Variants in PLPPR4 observed in about 807,000 individuals in gnomAD.
PLPPR4 encodes phospholipid phosphatase-related protein type 4.
A neutral mutation model predicts 56.6 loss-of-function variants in PLPPR4; 24 were observed. The observed-to-expected ratio is 0.42, with a 90% confidence interval of 0.31 to 0.60. The LOEUF (loss-of-function observed/expected upper bound fraction) is 0.60. PLPPR4 is among the 20% of genes least tolerant of loss of function. The probability of loss-of-function intolerance (pLI) is 0.13; values close to 1 mark genes in which losing one functional copy is unlikely to be tolerated. For synonymous variants in PLPPR4, 326 were observed against 328.1 expected, an observed-to-expected ratio of 0.99 and a Z score of 0.07; for missense variants, 654 against 885.8, an observed-to-expected ratio of 0.74 and a Z score of 3.32.
At chr1:99,289,187 T>C (rs560592902) in intron 2 of PLPPR4, among the ~76,000 whole-genome samples, 1 of 152,148 alleles carries the variant, frequency 6.6e-6, no homozygotes, top group Non-Finnish European at 1.5e-5. Flanking sequence ...AGCATGTTCA[T>C]GAATGTCAAA....
upstream of PLPPR4, chr1:99,264,248 C>A: frequency 1.8e-6 from 1 of 559,462 alleles, no homozygotes; most frequent in African/African-American, 1.9e-5. Context: ...AGCCTTGGAG[C>A]GTCGCAAGGG....
At chr1:99,301,179 T>C (rs532840642) in intron 5 of PLPPR4, among the ~76,000 whole-genome samples, 2 of 152,174 alleles carry the variant, frequency 1.3e-5, no homozygotes, top group African/African-American at 4.8e-5. Context: ...ACAGTTATAA[T>C]AGTATTTATT....
Position 99,264,662 on chromosome 1 carries a change from T to C in PLPPR4, c.69T>C (p.Tyr23=). The C allele has an allele frequency of 6.4e-7, 1 of 1,550,594 alleles. No homozygotes were observed. Among genetic ancestry groups the C allele is most frequent in the East Asian group, 2.4e-5 (1 of 40,902 alleles). ...GCGTCACCCTCCTGCCCTGCTTTTA[T>C]TTCGTCGAGGTGAGTTGGCCCAGTG... The part of the protein sequence containing the change: ...KDSVTLLPCF[Y]FVELPILASS... Residue 23 remains tyrosine, a synonymous_variant, in exon 1 of 7, where the codon TAT becomes TAC. Coordinates refer to ENST00000370185, the MANE Select transcript of PLPPR4 (RefSeq NM_014839.5).
chr1:99,279,838 A>G (rs895070366), intron 1 of PLPPR4, among the ~76,000 whole-genome samples: 3 of 152,192 alleles, frequency 2.0e-5, no homozygotes, highest in Non-Finnish European at 4.4e-5. Context: ...CAAGGAGGTT[A>G]AGAATTAAAG....
intron 2 of PLPPR4, among the ~76,000 whole-genome samples, chr1:99,291,739 C>A (rs1055374032): frequency 6.6e-6 from 1 of 152,032 alleles, no homozygotes; most frequent in South Asian, 2.1e-4. Context: ...CACATAGGCA[C>A]ATAGAGGGGA....
intron 1 of PLPPR4, among the ~76,000 whole-genome samples, chr1:99,267,113 G>A (rs1255982094): frequency 6.6e-6 from 1 of 152,166 alleles, no homozygotes; most frequent in African/African-American, 2.4e-5. Flanking sequence ...CATAATTTAA[G>A]TAACAAGAAG....
chr1:99,263,034 C>G (rs2100777402), upstream of PLPPR4, among the ~76,000 whole-genome samples: 3 of 152,194 alleles, frequency 2.0e-5, no homozygotes, highest in South Asian at 4.1e-4. Flanking sequence ...CTTCTATTTT[C>G]TAAGTGAAAT....
chr1:99,295,586 C>A (rs1002819668), intron 2 of PLPPR4, among the ~76,000 whole-genome samples: 33 of 152,170 alleles, frequency 2.2e-4, no homozygotes, highest in Non-Finnish European at 7.3e-5. Context: ...GCATTTATAG[C>A]AAATCAATAT....
intron 1 of PLPPR4, among the ~76,000 whole-genome samples, chr1:99,287,663 T>G (rs1659499770): frequency 6.6e-6 from 1 of 152,112 alleles, no homozygotes; most frequent in East Asian, 1.9e-4. Context: ...CTGTCTGATC[T>G]GAAATATTTC....
chr1:99,269,881 G>A lies in PLPPR4; in HGVS notation c.78+5210G>A, dbSNP rs137918458. On this transcript the variant is annotated intron_variant, in intron 1 of 6. Transcript: ENST00000370185. ...GCATAGGTATGTACAAATACACATG[G>A]AGTAAGAATATCATCTCTCTCTCCA... Among the ~76,000 whole-genome samples, 13 of 152,204 alleles carry A rather than the reference G, an allele frequency of 8.5e-5. No individual in the cohort carries two copies. The East Asian group carries it at 2.5e-3, about 29-fold the overall frequency.
Position 99,296,914 on chromosome 1 carries a change from T to C in PLPPR4, c.394+47T>C, listed in dbSNP as rs74112470. ...GAAAAGAAATGCTTTTTTTTTTATATTGAAATGTTATATTTAATTATAGAT... is the reference window on the plus strand; with the variant it reads ...GAAAAGAAATGCTTTTTTTTTTATACTGAAATGTTATATTTAATTATAGAT... On this transcript the variant is annotated intron_variant, in intron 3 of 6. Transcript: ENST00000370185. The C allele has an allele frequency of 8.4e-4, 1,236 of 1,466,140 alleles. 11 individuals carry two copies. In the African/African-American group the frequency reaches 0.016, roughly 20 times the overall value. 90.8% of individuals were successfully genotyped at this position (1,466,140 alleles called of 1,614,324 possible).
intron 1 of PLPPR4, among the ~76,000 whole-genome samples, chr1:99,269,513 C>T (rs1658997045): frequency 6.6e-6 from 1 of 152,232 alleles, no homozygotes. Context: ...AGTGGTCCCT[C>T]TGGGGCTCAG....
rs528500565 is a variant in PLPPR4 at position 99,271,409 on chromosome 1, T to C, written c.78+6738T>C. ...TGACTACACCATACTGTCTCACACATGCTTCCAACAACAATGCTAAACCTA... is the reference window on the plus strand; with the variant it reads ...TGACTACACCATACTGTCTCACACACGCTTCCAACAACAATGCTAAACCTA... On this transcript the variant is annotated intron_variant, in intron 1 of 6. Transcript: ENST00000370185. Among the ~76,000 whole-genome samples the C allele has an allele frequency of 1.1e-4, 16 of 152,290 alleles. No homozygotes were observed. The South Asian group carries it at 3.1e-3, about 30-fold the overall frequency.
intron 2 of PLPPR4, among the ~76,000 whole-genome samples, chr1:99,293,742 G>A (rs1659676727): frequency 6.6e-6 from 1 of 152,134 alleles, no homozygotes; most frequent in African/African-American, 2.4e-5. Flanking sequence ...TTGAAACATT[G>A]AAGATACTAT....
chr1:99,305,578 G>C (rs1407526199), intron 6 of PLPPR4, 107 bp from the exon 7 acceptor site: 6 of 997,868 alleles, frequency 6.0e-6, no homozygotes, highest in Non-Finnish European at 7.5e-6. Flanking sequence ...CTAGTCAATG[G>C]TGTATAGGAA....
intron 1 of PLPPR4, among the ~76,000 whole-genome samples, chr1:99,268,349 A>T (rs1390348128): frequency 1.3e-5 from 2 of 152,168 alleles, no homozygotes; most frequent in Non-Finnish European, 2.9e-5. Context: ...CTCAACAAGA[A>T]CTCTGGATAG....
intron 1 of PLPPR4, among the ~76,000 whole-genome samples, chr1:99,283,162 G>A (rs1419991949): frequency 6.6e-6 from 1 of 151,954 alleles, no homozygotes; most frequent in Non-Finnish European, 1.5e-5. Flanking sequence ...AATGGATGAG[G>A]CACCAATACC....
rs2100816751 is a variant in PLPPR4 at position 99,309,313 on chromosome 1, G to C, written c.*2303G>C. ...TGTTCTATTTATCTTATTTGCTAAT[G>C]GGAGCACTTCTTCCTTTGTTAGGCT... On this transcript the variant is annotated 3_prime_UTR_variant, in exon 7 of 7. Coordinates refer to ENST00000370185, the MANE Select transcript of PLPPR4 (RefSeq NM_014839.5). The C allele has an allele frequency of 6.6e-6, 1 of 152,448 alleles. No individual in the cohort carries two copies. Among genetic ancestry groups the C allele is most frequent in the Admixed American group, 6.5e-5 (1 of 15,268 alleles). 9.4% of individuals were successfully genotyped at this position (152,448 alleles called of 1,614,324 possible). A position where few individuals can be genotyped will look rare whatever the true frequency, so the allele number is the denominator to read the frequency against.
At chr1:99,285,713 A>G (rs1011915861) in intron 1 of PLPPR4, among the ~76,000 whole-genome samples, 5 of 152,304 alleles carry the variant, frequency 3.3e-5, no homozygotes, top group Non-Finnish European at 5.9e-5. Flanking sequence ...AATAAAAATT[A>G]AAAAACTGTT....
Sources: allele counts gnomAD v4.1 joint callset (sites outside exome capture counted in the v4.1 genomes callset), GRCh38; gene constraint gnomAD v4.1.1; transcripts MANE v1.5; gene names NCBI Gene and HGNC (gene_info 2026-07-23, HGNC 2026-07-21).